Variants in RHOU observed in about 807,000 individuals in gnomAD.
RHOU encodes rho-related GTP-binding protein RhoU.
RHOU carries 8 observed loss-of-function variants against 12.6 expected under a neutral mutation model. That is an observed-to-expected ratio of 0.64 (90% CI 0.37 to 1.15). The LOEUF (loss-of-function observed/expected upper bound fraction) is 1.15. Ranked by LOEUF, RHOU falls within the 50% of genes most tolerant of loss-of-function variation. RHOU has a pLI of 0.01. For missense variants in RHOU, 258 were observed against 347.0 expected (o/e 0.74, Z 2.04); for synonymous variants, 161 against 147.4 (o/e 1.09, Z -0.67).
At chr1:228,646,539 C>G in the RHOU span, among the ~76,000 whole-genome samples, 1,693 of 119,624 alleles carry the variant, frequency 0.014, 41 homozygotes, top group African/African-American at 0.053. Context: ...GGGCCTTTCT[C>G]TCACAACGCC....
chr1:228,690,539 C>T, the RHOU span, among the ~76,000 whole-genome samples: 2 of 151,610 alleles, frequency 1.3e-5, no homozygotes, highest in Non-Finnish European at 2.9e-5. Context: ...TGAGGCTGGT[C>T]TCGAACTCCT....
chr1:228,651,936 C>T, the RHOU span, among the ~76,000 whole-genome samples: 106 of 152,294 alleles, frequency 7.0e-4, no homozygotes, highest in African/African-American at 2.5e-3. Context: ...TTTACATACC[C>T]TCTTGGGTCC....
At chr1:228,708,958 A>G in the RHOU span, among the ~76,000 whole-genome samples, 117 of 152,350 alleles carry the variant, frequency 7.7e-4, no homozygotes, top group Middle Eastern at 3.4e-3. Flanking sequence ...AAAAGGATGG[A>G]GGAAGATCTA....
At chr1:228,731,782 G>A (rs778906330), upstream of RHOU, among the ~76,000 whole-genome samples, 2 of 151,822 alleles carry the variant, frequency 1.3e-5, no homozygotes, top group African/African-American at 2.4e-5. Context: ...GGTGTTGGGG[G>A]TAGGTAGGGG....
chr1:228,688,852 G>A, the RHOU span, among the ~76,000 whole-genome samples: 1 of 152,152 alleles, frequency 6.6e-6, no homozygotes, highest in South Asian at 2.1e-4. Context: ...AGGTCAGCTG[G>A]ATTTGTCAGT....
chr1:228,724,724 C>T, the RHOU span, among the ~76,000 whole-genome samples: 2 of 152,182 alleles, frequency 1.3e-5, no homozygotes, highest in Non-Finnish European at 2.9e-5. Context: ...ACTTATTCCT[C>T]CTGCCTAATT....
At position 228,741,229 on chromosome 1, in the gene RHOU, C is replaced by T. The variant is rs115806976; in HGVS notation, c.322-2056C>T. 2.8e-3 allele frequency among the ~76,000 whole-genome samples: 428 copies of T among 152,286 alleles called. 4 individuals are homozygous for T. Among genetic ancestry groups the T allele is most frequent in the Non-Finnish European group, 5.1e-3 (347 of 68,026 alleles). ...TGGCAAGCACATGCAAATTGCTTGG[C>T]CTCAGAACGCCTTTTCTTAAGGGTG... On this transcript the variant is annotated intron_variant, in intron 2 of 2. Transcript: ENST00000366691.
chr1:228,666,900 G>A, the RHOU span, among the ~76,000 whole-genome samples: 1 of 152,164 alleles, frequency 6.6e-6, no homozygotes, highest in Non-Finnish European at 1.5e-5. Flanking sequence ...TGTAACTCAG[G>A]TGGCTGACCC....
At chr1:228,704,525 T>C in the RHOU span, among the ~76,000 whole-genome samples, 2 of 152,144 alleles carry the variant, frequency 1.3e-5, no homozygotes, top group African/African-American at 2.4e-5. Context: ...TGGTGTGATC[T>C]TGGCTCACTG....
the RHOU span, among the ~76,000 whole-genome samples, chr1:228,661,734 A>G: frequency 6.6e-6 from 1 of 152,226 alleles, no homozygotes; most frequent in Non-Finnish European, 1.5e-5. Context: ...CCCTAGAAGA[A>G]AACCTAGGCA....
At chr1:228,693,688 C>G in the RHOU span, among the ~76,000 whole-genome samples, 3 of 152,066 alleles carry the variant, frequency 2.0e-5, no homozygotes, top group South Asian at 6.2e-4. Flanking sequence ...GGCTGGTCTC[C>G]AACTCCTGAC....
the RHOU span, among the ~76,000 whole-genome samples, chr1:228,666,833 G>A: frequency 6.6e-6 from 1 of 152,168 alleles, no homozygotes; most frequent in Non-Finnish European, 1.5e-5. Flanking sequence ...TTCCCTCATG[G>A]AATGTAACGA....
the RHOU span, among the ~76,000 whole-genome samples, chr1:228,691,662 G>A: frequency 3.3e-5 from 5 of 152,128 alleles, no homozygotes. Context: ...GGACATCTTA[G>A]TAATTTCCAA....
chr1:228,732,272 G>A (rs1313167035), upstream of RHOU, among the ~76,000 whole-genome samples: 1 of 152,200 alleles, frequency 6.6e-6, no homozygotes, highest in Non-Finnish European at 1.5e-5. Context: ...CATGGAGCTT[G>A]TAAGAGGAGA....
chr1:228,675,607 A>G, the RHOU span, among the ~76,000 whole-genome samples: 5 of 152,206 alleles, frequency 3.3e-5, no homozygotes, highest in Admixed American at 6.5e-5. Flanking sequence ...GAGGTATTCC[A>G]CACTTTTATT....
At chr1:228,704,260 A>G in the RHOU span, among the ~76,000 whole-genome samples, 2 of 152,072 alleles carry the variant, frequency 1.3e-5, no homozygotes, top group Admixed American at 6.5e-5. Flanking sequence ...AAAATGTATA[A>G]AAGCAAGCTG....
In RHOU at chr1:228,743,227, C is replaced by A; in HGVS notation, c.322-58C>A. 6.7e-7 allele frequency: 1 copy of A among 1,482,178 alleles called. No individual in the cohort carries two copies. 91.8% of individuals were successfully genotyped at this position (1,482,178 alleles called of 1,614,324 possible). On this transcript the variant is annotated intron_variant, in intron 2 of 2. Coordinates refer to ENST00000366691, the MANE Select transcript of RHOU (RefSeq NM_021205.6). This position sits in a 1 kb window ranked among gnomAD's most constrained non-coding sequence, Gnocchi z 5.1. ...CTTTCATGAAAAATGTGAAGGTGAT[C>A]TTTTTACTGATGAGAATTCATGAAA...
the RHOU span, among the ~76,000 whole-genome samples, chr1:228,697,552 A>G: frequency 6.6e-6 from 1 of 152,184 alleles, no homozygotes; most frequent in African/African-American, 2.4e-5. Context: ...GGACGGAGAG[A>G]TTAAAATGCT....
In RHOU at chr1:228,744,901, A is replaced by G. The variant is rs141087673; in HGVS notation, c.*1161A>G. On this transcript the variant is annotated 3_prime_UTR_variant, in exon 3 of 3. Coordinates refer to ENST00000366691, the MANE Select transcript of RHOU (RefSeq NM_021205.6). ...CTTGTTGACCCTTTTTTGAACCAAC[A>G]TCTTTTTTATTATATTCAGAGTATG... is the stretch of plus-strand genomic sequence containing the variant. The G allele has an allele frequency of 6.6e-6, 1 of 152,340 alleles. No individual in the cohort carries two copies. The highest frequency in any genetic ancestry group is 1.9e-4 in the East Asian group (1 of 5,182). The allele number at this position is 152,340 out of a possible 1,614,324, so 9.4% of individuals were successfully genotyped here.
Sources: gnomAD v4.1 joint callset for allele counts (sites outside exome capture counted in the v4.1 genomes callset) on GRCh38, gnomAD v4.1.1 for gene constraint, Gnocchi (gnomAD v3.1) non-coding constraint, MANE v1.5 for transcripts, NCBI Gene and HGNC (gene_info 2026-07-23, HGNC 2026-07-21) for gene names.